The following C1QTNF5 variants were observed in gnomAD, a reference collection of about 807,000 sequenced individuals.
C1QTNF5 encodes C1q and TNF related 5, also known as complement C1q tumor necrosis factor-related protein 5.
C1QTNF5 carries 5 observed loss-of-function variants against 10.9 expected under a neutral mutation model. The ratio of observed to expected loss-of-function variants is 0.46; its 90% CI spans 0.24 to 0.97. C1QTNF5 has a LOEUF of 0.97. C1QTNF5 is among the 50% of genes least tolerant of loss of function. The pLI, the probability that C1QTNF5 is intolerant of heterozygous loss-of-function variation, is 0.19. For missense variants in C1QTNF5, 281 were observed against 339.4 expected (o/e 0.83, Z 1.35); for synonymous variants, 161 against 156.5 (o/e 1.03, Z -0.22).
At chr11:119,343,339 T>C (rs898805791), upstream of C1QTNF5, among the ~76,000 whole-genome samples, 29 of 152,116 alleles carry the variant, frequency 1.9e-4, no homozygotes, top group African/African-American at 6.8e-4. Context: ...AGTGAGACCT[T>C]GTCTTTACAA....
upstream of C1QTNF5, chr11:119,343,978 T>C (rs200069261): frequency 1.2e-6 from 2 of 1,610,298 alleles, no homozygotes; most frequent in Non-Finnish European, 1.7e-6. Flanking sequence ...GGGGAGGGCA[T>C]AGGTGGAGCA....
chr11:119,346,077 C>T, the C1QTNF5 span: 6 of 1,610,156 alleles, frequency 3.7e-6, no homozygotes, highest in Middle Eastern at 1.6e-4. Flanking sequence ...GCAGCCCAAG[C>T]AGCAGGAGGA....
Position 119,338,951 on chromosome 11 carries a change from T to G in C1QTNF5, c.*380A>C. On this transcript the variant is annotated 3_prime_UTR_variant, in exon 3 of 3. Transcript: ENST00000528368. The stretch of plus-strand genomic sequence containing the variant: ...AGGCTGGAGCCGGTAGGAGGGTTCT[T>G]AGGTTTATTGAGTGATCTCTGAGAA... 1 of 183,190 alleles carries G rather than the reference T, an allele frequency of 5.5e-6. No homozygotes were observed. Among genetic ancestry groups the G allele is most frequent in the Non-Finnish European group, 1.1e-5 (1 of 88,040 alleles). 11.3% of individuals were successfully genotyped at this position (183,190 alleles called of 1,614,324 possible).
chr11:119,339,467 A>G lies in C1QTNF5; in HGVS notation c.596T>C (p.Leu199Pro). ...ASLSGGAMVRLEPEDQVWVQV... is the reference protein window; with the variant it reads ...ASLSGGAMVRPEPEDQVWVQV... ...CACCCACACTTGGTCCTCAGGCTCC[A>G]GCCTCACCATGGCCCCCCCCGAGAG... is the stretch of plus-strand genomic sequence containing the variant. The change falls in exon 3 of 3, where the codon CTG becomes CCG. Residue 199 changes from leucine (L) to proline (P), a missense_variant. Leu to Pro is a moderately conservative substitution (Grantham distance 98). Transcript: ENST00000528368. This position sits in a 1 kb window ranked among gnomAD's most constrained non-coding sequence, Gnocchi z 5.4. The G allele has an allele frequency of 6.2e-7, 1 of 1,613,468 alleles. No individual in the cohort carries two copies. Among genetic ancestry groups the G allele is most frequent in the Non-Finnish European group, 8.5e-7 (1 of 1,179,866 alleles).
chr11:119,345,990 C>A, the C1QTNF5 span: 1 of 1,612,852 alleles, frequency 6.2e-7, no homozygotes, highest in Non-Finnish European at 8.5e-7. Context: ...GCTGGGAGAG[C>A]GGCTCATGGA....
In C1QTNF5 at chr11:119,339,919, G is replaced by A. The variant is rs1950483167; in HGVS notation, c.215-71C>T. On this transcript the variant is annotated intron_variant, in intron 2 of 2. Transcript: ENST00000528368. The surrounding 1 kb of genome is among the most constrained non-coding windows in gnomAD (Gnocchi z 5.4). ...CCCGCAGCGGGGCGGCGACTCTAAG[G>A]TCACCGTACCCCTCCCCGCCCCTGC... The A allele has an allele frequency of 9.9e-6, 14 of 1,421,018 alleles. No homozygotes were observed. Among genetic ancestry groups the A allele is most frequent in the South Asian group, 1.5e-5 (1 of 66,900 alleles). The allele number at this position is 1,421,018 out of a possible 1,614,324, so 88.0% of individuals were successfully genotyped here.
the C1QTNF5 span, chr11:119,346,160 C>T: frequency 2.5e-6 from 4 of 1,587,210 alleles, no homozygotes; most frequent in East Asian, 9.2e-5. Context: ...GGACGCCGAC[C>T]TGCGGGTTGG....
chr11:119,341,547 G>A (rs753103667), upstream of C1QTNF5: 1 of 1,612,058 alleles, frequency 6.2e-7, no homozygotes, highest in East Asian at 2.2e-5. Flanking sequence ...CGGCTTCAGG[G>A]TCAGGGCTGG....
At chr11:119,343,996 G>A (rs1473371683), upstream of C1QTNF5, 11 of 1,609,336 alleles carry the variant, frequency 6.8e-6, no homozygotes, top group East Asian at 2.2e-5. Flanking sequence ...GCAATTCATG[G>A]CCCCTTCTCC....
At chr11:119,346,443 T>C in the C1QTNF5 span, 2 of 1,613,868 alleles carry the variant, frequency 1.2e-6, no homozygotes, top group Non-Finnish European at 1.7e-6. Context: ...AGGAGCACGA[T>C]TCTATGTGGT....
chr11:119,344,283 C>A, upstream of C1QTNF5: 1 of 1,599,416 alleles, frequency 6.3e-7, no homozygotes, highest in Non-Finnish European at 8.6e-7. Flanking sequence ...CCGTGTGTGC[C>A]CCTCCCGTTC....
upstream of C1QTNF5, chr11:119,343,875 C>G: frequency 1.2e-6 from 2 of 1,613,986 alleles, no homozygotes; most frequent in South Asian, 2.2e-5. Context: ...CGTAGTCAAA[C>G]TTGCACTCGT....
upstream of C1QTNF5, chr11:119,343,775 T>C: frequency 6.2e-7 from 1 of 1,612,820 alleles, no homozygotes. Context: ...TGGCAGACAG[T>C]GAGGATGGAG....
upstream of C1QTNF5, chr11:119,341,442 A>G: frequency 1.1e-6 from 1 of 942,816 alleles, no homozygotes; most frequent in Non-Finnish European, 1.6e-6. Flanking sequence ...GCCCCAGAGA[A>G]GGATGGGTAG....
chr11:119,341,291 A>G (rs1203230213), upstream of C1QTNF5: 6 of 548,700 alleles, frequency 1.1e-5, no homozygotes, highest in East Asian at 3.0e-5. Flanking sequence ...AGAGGCCTGG[A>G]TGGGAAGTGG....
At chr11:119,341,854 G>A, upstream of C1QTNF5, 1 of 1,611,508 alleles carries the variant, frequency 6.2e-7, no homozygotes, top group Non-Finnish European at 8.5e-7. Context: ...CCACCCAGAA[G>A]ACCTTGTAAC....
upstream of C1QTNF5, chr11:119,342,786 A>G (rs1950516139): frequency 1.9e-6 from 3 of 1,612,878 alleles, no homozygotes; most frequent in African/African-American, 2.7e-5. Flanking sequence ...CAGTACCCCC[A>G]GAGTGTCCTG....
upstream of C1QTNF5, chr11:119,344,543 G>A (rs2509388): frequency 1.5e-5 from 24 of 1,603,446 alleles, no homozygotes; most frequent in South Asian, 2.2e-4. Context: ...CTGACGGAGG[G>A]CCCGGTTTGA....
chr11:119,344,889 T>G (rs1275281184), upstream of C1QTNF5: 35 of 1,613,010 alleles, frequency 2.2e-5, 1 homozygote, highest in Non-Finnish European at 2.9e-5. Context: ...CCAGGGGCCA[T>G]AGCCTGGTAC....
Sources: allele counts gnomAD v4.1 joint callset (sites outside exome capture counted in the v4.1 genomes callset), GRCh38; gene constraint gnomAD v4.1.1; non-coding constraint Gnocchi (gnomAD v3.1); transcripts MANE v1.5; gene names NCBI Gene and HGNC (gene_info 2026-07-23, HGNC 2026-07-21).